The following TASP1 variants were observed in gnomAD, a reference collection of about 807,000 sequenced individuals.
The protein encoded by TASP1 is threonine aspartase 1.
In TASP1, 16 loss-of-function variants were observed where a neutral mutation model predicts 56.6. That is an observed-to-expected ratio of 0.28 (90% CI 0.19 to 0.43). The LOEUF is 0.43. TASP1 is among the 20% of genes least tolerant of loss of function. The pLI is 1.00. For missense variants in TASP1, 393 were observed against 511.6 expected, an observed-to-expected ratio of 0.77 and a Z score of 2.24; for synonymous variants, 179 against 184.2, an observed-to-expected ratio of 0.97 and a Z score of 0.23.
intron 1 of TASP1, among the ~76,000 whole-genome samples, chr20:13,632,278 T>C (rs1400966812): frequency 6.8e-6 from 1 of 146,866 alleles, no homozygotes; most frequent in African/African-American, 2.5e-5. Context: ...GAGAATTGCT[T>C]GAACTGGGAC....
chr20:13,394,951 TAAGAG>T (rs1394686515), intron 13 of TASP1, among the ~76,000 whole-genome samples: 1 of 152,122 alleles, frequency 6.6e-6, no homozygotes, highest in Non-Finnish European at 1.5e-5. Context: ...ATAAGAAAAT[TAAGAG>T]AAAAGTAATA....
intron 12 of TASP1, among the ~76,000 whole-genome samples, chr20:13,421,599 A>G (rs1232171740): frequency 1.3e-5 from 2 of 152,224 alleles, no homozygotes; most frequent in African/African-American, 4.8e-5. Context: ...GATAATTTAC[A>G]TTACTCATAC....
the TASP1 span, among the ~76,000 whole-genome samples, chr20:13,273,975 A>G: frequency 6.6e-6 from 1 of 152,136 alleles, no homozygotes; most frequent in East Asian, 1.9e-4. Flanking sequence ...ACAAAATGTT[A>G]GTATTGGTCA....
intron 1 of TASP1, among the ~76,000 whole-genome samples, chr20:13,632,776 G>A (rs1164817696): frequency 6.6e-6 from 1 of 152,046 alleles, no homozygotes; most frequent in Non-Finnish European, 1.5e-5. Context: ...ATCAGTTTTT[G>A]TTTAACTCAG....
chr20:13,162,486 T>A, the TASP1 span, among the ~76,000 whole-genome samples: 1 of 152,178 alleles, frequency 6.6e-6, no homozygotes, highest in Non-Finnish European at 1.5e-5. Context: ...AGTTCCTTAA[T>A]GTACATGTAA....
chr20:13,596,094 C>T (rs1286872302), intron 4 of TASP1, among the ~76,000 whole-genome samples: 3 of 152,008 alleles, frequency 2.0e-5, no homozygotes, highest in Non-Finnish European at 4.4e-5. Context: ...GCACAACTGC[C>T]AGGTGCAGTC....
At chr20:13,483,562 T>C (rs944831569) in intron 10 of TASP1, among the ~76,000 whole-genome samples, 3 of 152,148 alleles carry the variant, frequency 2.0e-5, no homozygotes, top group Non-Finnish European at 4.4e-5. Context: ...CCAATACAAA[T>C]TAATATGATA....
At chr20:13,141,770 T>C in the TASP1 span, among the ~76,000 whole-genome samples, 2 of 152,308 alleles carry the variant, frequency 1.3e-5, no homozygotes, top group South Asian at 4.1e-4. Flanking sequence ...CAATAGGTAA[T>C]ACAAAACAGA....
intron 9 of TASP1, among the ~76,000 whole-genome samples, chr20:13,531,725 G>C (rs889810428): frequency 6.6e-6 from 1 of 152,174 alleles, no homozygotes; most frequent in South Asian, 2.1e-4. Context: ...GTGCAGTAGC[G>C]AGATCTCAGC....
At chr20:13,185,185 A>G in the TASP1 span, among the ~76,000 whole-genome samples, 1 of 152,196 alleles carries the variant, frequency 6.6e-6, no homozygotes, top group Non-Finnish European at 1.5e-5. Flanking sequence ...TAAATCCATA[A>G]TAAAGCACCA....
At chr20:13,550,365 CATTA>C (rs897186519) in intron 8 of TASP1, among the ~76,000 whole-genome samples, 5 of 151,896 alleles carry the variant, frequency 3.3e-5, no homozygotes, top group African/African-American at 1.2e-4. Flanking sequence ...TCCAATAAGA[CATTA>C]ATTAAGTTAC....
At chr20:13,391,206 G>A (rs1025217425) in intron 13 of TASP1, among the ~76,000 whole-genome samples, 1 of 152,162 alleles carries the variant, frequency 6.6e-6, no homozygotes, top group Non-Finnish European at 1.5e-5. Flanking sequence ...TGTAAAGAGG[G>A]CACTGTGTTT....
the TASP1 span, among the ~76,000 whole-genome samples, chr20:13,220,444 G>C: frequency 2.6e-5 from 4 of 152,242 alleles, no homozygotes; most frequent in African/African-American, 4.8e-5. Context: ...GGTGGCCCGG[G>C]ATCGACAGCT....
the TASP1 span, among the ~76,000 whole-genome samples, chr20:13,357,171 T>C: frequency 1.2e-4 from 17 of 147,252 alleles, no homozygotes; most frequent in Non-Finnish European, 2.4e-4. Context: ...AGGAAGAGTA[T>C]GGGATGGCAG....
chr20:13,310,914 C>T, the TASP1 span, among the ~76,000 whole-genome samples: 2 of 152,206 alleles, frequency 1.3e-5, no homozygotes, highest in African/African-American at 2.4e-5. Context: ...TATAAAGAGG[C>T]CAGGCACGGT....
the TASP1 span, among the ~76,000 whole-genome samples, chr20:13,135,406 G>A: frequency 2.6e-5 from 4 of 152,072 alleles, no homozygotes; most frequent in East Asian, 3.9e-4. Flanking sequence ...TCCCATGATC[G>A]TTACAATTTT....
rs563867056 is a variant in TASP1 at position 13,550,810 on chromosome 20, T to C, written c.675+8198A>G. On this transcript the variant is annotated intron_variant, in intron 8 of 13. Coordinates refer to ENST00000337743, the MANE Select transcript of TASP1 (RefSeq NM_017714.3). ...ATGCCATGCATTCACTCAGTTTGTT[T>C]TTCCAGTGTCAGGGTCTCCTCTTCT... is the stretch of plus-strand genomic sequence containing the variant. Among the ~76,000 whole-genome samples, 531 of 152,202 alleles carry C rather than the reference T, an allele frequency of 3.5e-3. 5 individuals carry two copies. The highest frequency in any genetic ancestry group is 3.7e-3 in the Non-Finnish European group (254 of 67,980).
chr20:13,198,858 C>CTTT, the TASP1 span, among the ~76,000 whole-genome samples: 74 of 124,568 alleles, frequency 5.9e-4, no homozygotes, highest in Non-Finnish European at 1.0e-3. Flanking sequence ...TTCTTTCTTT[C>CTTT]CTTCCTTCCT....
chr20:13,480,531 T>C (rs1256255844), intron 11 of TASP1, among the ~76,000 whole-genome samples: 3 of 152,156 alleles, frequency 2.0e-5, no homozygotes, highest in Non-Finnish European at 4.4e-5. Context: ...ATTTCTAAGA[T>C]GGGGCTCAAT....
Sources: allele counts gnomAD v4.1 joint callset (sites outside exome capture counted in the v4.1 genomes callset), GRCh38; gene constraint gnomAD v4.1.1; transcripts MANE v1.5; gene names NCBI Gene and HGNC (gene_info 2026-07-23, HGNC 2026-07-21).